Variants in ERBB4 observed in about 807,000 individuals in gnomAD.
ERBB4 encodes the protein erb-b2 receptor tyrosine kinase 4.
A neutral mutation model predicts 158.0 loss-of-function variants in ERBB4; 42 were observed. The ratio of observed to expected loss-of-function variants is 0.27; its 90% CI spans 0.21 to 0.34. The LOEUF (loss-of-function observed/expected upper bound fraction) is 0.34. Ranked by LOEUF, ERBB4 falls within the 10% of genes least tolerant of loss-of-function variation. The pLI is 1.00. For synonymous variants in ERBB4, 583 were observed against 558.7 expected (o/e 1.04, Z -0.61); for missense variants, 1,333 against 1,624.1 (o/e 0.82, Z 3.08).
chr2:211,879,870 G>T (rs1042760886), intron 3 of ERBB4, among the ~76,000 whole-genome samples: 4 of 151,786 alleles, frequency 2.6e-5, no homozygotes, highest in Non-Finnish European at 5.9e-5. Flanking sequence ...ATTGGAAAGA[G>T]ATATATTCTA....
intron 2 of ERBB4, among the ~76,000 whole-genome samples, chr2:211,954,825 A>G (rs768852881): frequency 1.3e-5 from 2 of 152,138 alleles, no homozygotes; most frequent in African/African-American, 2.4e-5. Flanking sequence ...ATGTCTGAGA[A>G]TATCTAAAGC....
At chr2:212,274,986 T>C (rs1332807471) in intron 1 of ERBB4, among the ~76,000 whole-genome samples, 3 of 151,920 alleles carry the variant, frequency 2.0e-5, no homozygotes, top group African/African-American at 7.2e-5. Flanking sequence ...TGTGTTCTCA[T>C]TGTTCAGCTC....
intron 1 of ERBB4, among the ~76,000 whole-genome samples, chr2:212,251,216 T>C (rs1437195587): frequency 6.6e-6 from 1 of 152,046 alleles, no homozygotes; most frequent in Non-Finnish European, 1.5e-5. Context: ...GTTTGCTTTT[T>C]ATTTACAAAA....
At chr2:211,551,488 T>C (rs1175389416) in intron 20 of ERBB4, among the ~76,000 whole-genome samples, 2 of 152,176 alleles carry the variant, frequency 1.3e-5, no homozygotes, top group Non-Finnish European at 2.9e-5. Flanking sequence ...AATATAAAAA[T>C]TTTTCTGTGT....
At chr2:211,743,265 T>C (rs6749448) in intron 5 of ERBB4, among the ~76,000 whole-genome samples, 35,781 of 152,122 alleles carry the variant, frequency 0.24, 4,618 homozygotes, top group Non-Finnish European at 0.3. Flanking sequence ...ACAATTATGA[T>C]GACTTTAATG....
intron 1 of ERBB4, among the ~76,000 whole-genome samples, chr2:212,536,587 G>C (rs1051312346): frequency 2.0e-5 from 3 of 152,202 alleles, no homozygotes; most frequent in Non-Finnish European, 4.4e-5. Context: ...CCAGGGAAAC[G>C]AGAAGAGACG....
At chr2:212,528,119 T>G (rs185000666) in intron 1 of ERBB4, among the ~76,000 whole-genome samples, 3 of 152,184 alleles carry the variant, frequency 2.0e-5, no homozygotes, top group African/African-American at 7.2e-5. Context: ...GTAGAACTCC[T>G]TAACTGATAG....
Position 211,722,430 on chromosome 2 carries a change from C to T in ERBB4, c.846G>A (p.Lys282=), listed in dbSNP as rs2074131036. 1.2e-6 allele frequency: 2 copies of T among 1,613,746 alleles called. No individual in the cohort carries two copies. Among genetic ancestry groups the T allele is most frequent in the Admixed American group, 1.7e-5 (1 of 60,000 alleles). Reference sequence around the variant, plus strand: ...TGACACAGAATGCTCCATATGTGTACTTTGCATTGAAATTGTGCTCCAGTT... The same window carrying T: ...TGACACAGAATGCTCCATATGTGTATTTTGCATTGAAATTGTGCTCCAGTT... ...TFQLEHNFNA[K]YTYGAFCVKK... is the part of the protein sequence containing the mutation. The change falls in exon 7 of 28, where the codon AAG becomes AAA. Residue 282 remains lysine (K), a synonymous_variant. Transcript: ENST00000342788.
At chr2:212,097,892 A>G (rs1456609491) in intron 2 of ERBB4, among the ~76,000 whole-genome samples, 2 of 152,208 alleles carry the variant, frequency 1.3e-5, no homozygotes. Context: ...TTATGGAGAC[A>G]AAGACAATGC....
At chr2:211,884,073 A>C (rs1376429207) in intron 3 of ERBB4, among the ~76,000 whole-genome samples, 1 of 152,168 alleles carries the variant, frequency 6.6e-6, no homozygotes, top group Non-Finnish European at 1.5e-5. Flanking sequence ...CAATATAAAC[A>C]TAATTGCTCC....
At chr2:212,478,956 C>T (rs1477774636) in intron 1 of ERBB4, among the ~76,000 whole-genome samples, 1 of 152,108 alleles carries the variant, frequency 6.6e-6, no homozygotes, top group Non-Finnish European at 1.5e-5. Context: ...CTAACTGCAC[C>T]CTAAATTTCA....
In ERBB4 at chr2:211,559,480, A is replaced by T. The variant is rs560122937; in HGVS notation, c.2487+2423T>A. On this transcript the variant is annotated intron_variant, in intron 20 of 27. Transcript: ENST00000342788. ...GTTGTCCTGGCATAACTAGTAATAC[A>T]GTCTCCTTTCATGCCTAAAATTATT... Among the ~76,000 whole-genome samples, 6 of 152,310 alleles carry T rather than the reference A, an allele frequency of 3.9e-5. No homozygotes were observed. The South Asian group carries it at 1.0e-3, about 26-fold the overall frequency.
chr2:212,254,904 T>C (rs541416057), intron 1 of ERBB4, among the ~76,000 whole-genome samples: 1 of 152,300 alleles, frequency 6.6e-6, no homozygotes, highest in South Asian at 2.1e-4. Flanking sequence ...GTGTGAGAGA[T>C]ACTCTCTGAG....
At chr2:211,967,746 A>G (rs1363935246) in intron 2 of ERBB4, among the ~76,000 whole-genome samples, 1 of 152,062 alleles carries the variant, frequency 6.6e-6, no homozygotes, top group Non-Finnish European at 1.5e-5. Flanking sequence ...GGCATAATCT[A>G]GAATTCAGTT....
At chr2:211,751,334 C>T (rs2075125152) in intron 4 of ERBB4, among the ~76,000 whole-genome samples, 1 of 152,034 alleles carries the variant, frequency 6.6e-6, no homozygotes, top group Admixed American at 6.6e-5. Context: ...TAGGTATTTG[C>T]CTCAACAAAC....
intron 19 of ERBB4, among the ~76,000 whole-genome samples, chr2:211,598,893 T>G (rs1331111787): frequency 1.3e-5 from 2 of 152,198 alleles, no homozygotes; most frequent in African/African-American, 4.8e-5. Context: ...GTAACGTCAC[T>G]TGGCAGAAGG....
chr2:211,783,412 G>T (rs2076082006), intron 4 of ERBB4, among the ~76,000 whole-genome samples: 1 of 152,240 alleles, frequency 6.6e-6, no homozygotes, highest in Non-Finnish European at 1.5e-5. Flanking sequence ...GTATTGAATA[G>T]GAGTGGTGAG....
At chr2:211,571,635 T>C (rs1380432497) in intron 19 of ERBB4, among the ~76,000 whole-genome samples, 1 of 152,202 alleles carries the variant, frequency 6.6e-6, no homozygotes, top group Admixed American at 6.5e-5. Flanking sequence ...ATTAGAATTA[T>C]CGGTGAAATG....
At chr2:211,571,425 T>TC (rs1361044037) in intron 19 of ERBB4, among the ~76,000 whole-genome samples, 2 of 152,184 alleles carry the variant, frequency 1.3e-5, no homozygotes, top group East Asian at 3.9e-4. Flanking sequence ...GCATTTTTTT[T>TC]CTCTCGAGAT....
Sources: gnomAD v4.1 joint callset for allele counts (sites outside exome capture counted in the v4.1 genomes callset) on GRCh38, gnomAD v4.1.1 for gene constraint, MANE v1.5 for transcripts, NCBI Gene and HGNC (gene_info 2026-07-23, HGNC 2026-07-21) for gene names.